The following VPS4B variants were observed in gnomAD, a reference collection of about 807,000 sequenced individuals.
The protein encoded by VPS4B is vacuolar protein sorting 4 homolog B.
In VPS4B, 23 loss-of-function variants were observed where a neutral mutation model predicts 56.1. That is an observed-to-expected ratio of 0.41 (90% CI 0.30 to 0.58). VPS4B has a LOEUF of 0.58. Ranked by LOEUF, VPS4B falls within the 20% of genes least tolerant of loss-of-function variation. The probability of loss-of-function intolerance (pLI) is 0.29; values close to 1 mark genes in which losing one functional copy is unlikely to be tolerated. For missense variants in VPS4B, 372 were observed against 531.9 expected, an observed-to-expected ratio of 0.70 and a Z score of 2.96; for synonymous variants, 177 against 186.0, an observed-to-expected ratio of 0.95 and a Z score of 0.39.
intron 9 of VPS4B, among the ~76,000 whole-genome samples, chr18:63,395,913 C>T (rs1915658570): frequency 6.6e-6 from 1 of 152,174 alleles, no homozygotes; most frequent in Non-Finnish European, 1.5e-5. Context: ...ACATGTCTGT[C>T]CCACTCTAGC....
chr18:63,393,392 C>G lies in VPS4B; in HGVS notation c.1233+17G>C, dbSNP rs1396169567. The G allele has an allele frequency of 6.4e-7, 1 of 1,570,306 alleles. No homozygotes were observed. Among genetic ancestry groups the G allele is most frequent in the South Asian group, 1.2e-5 (1 of 83,678 alleles). ...ATGTTTTAAAATATTTTCTTAAAAACAAACAAAATTTCAAACCATGGAAAC... is the reference window on the plus strand; with the variant it reads ...ATGTTTTAAAATATTTTCTTAAAAAGAAACAAAATTTCAAACCATGGAAAC... On this transcript the variant is annotated intron_variant, in intron 10 of 10. Transcript: ENST00000238497.
At chr18:63,400,842 G>T (rs903550249) in intron 5 of VPS4B, 139 bp from the exon 6 acceptor site, 4 of 869,512 alleles carry the variant, frequency 4.6e-6, no homozygotes, top group East Asian at 3.1e-5. Flanking sequence ...TCAATCTAAG[G>T]TATGTCTTAA....
At chr18:63,410,783 C>G (rs1916023489) in intron 2 of VPS4B, among the ~76,000 whole-genome samples, 1 of 152,166 alleles carries the variant, frequency 6.6e-6, no homozygotes. Context: ...TTGTCTTAGA[C>G]AAACCCAATT....
chr18:63,411,149 T>C (rs1407044862), intron 2 of VPS4B, among the ~76,000 whole-genome samples: 1 of 152,248 alleles, frequency 6.6e-6, no homozygotes, highest in Non-Finnish European at 1.5e-5. Flanking sequence ...CTTTCCATTG[T>C]ATCCCCAGTG....
intron 1 of VPS4B, 81 bp from the exon 2 acceptor site, chr18:63,411,659 T>G: frequency 9.4e-7 from 1 of 1,066,352 alleles, no homozygotes; most frequent in Non-Finnish European, 1.2e-6. Flanking sequence ...CTGAAAGTTT[T>G]TTTTTTTTTT....
At chr18:63,410,171 G>T in intron 3 of VPS4B, 119 bp downstream of exon 3, 1 of 1,317,164 alleles carries the variant, frequency 7.6e-7, no homozygotes. Context: ...TCCAAAAACA[G>T]GCAGCTGGGC....
In VPS4B at chr18:63,393,533, C is replaced by G; in HGVS notation, c.1109G>C (p.Arg370Pro). ...ATCTACAAGATGGTTAGGATCAGCT[C>G]GGGAAGGTCCGCGAACCTGAAATAA... is the stretch of plus-strand genomic sequence containing the variant. ...THFKKVRGPS[R>P]ADPNHLVDDL... Residue 370 changes from arginine (R) to proline (P), a missense_variant, in exon 10 of 11, where the codon CGA (arginine) becomes CCA (proline). Arg to Pro is a moderately radical substitution (Grantham distance 103). Transcript: ENST00000238497. The G allele has an allele frequency of 6.3e-7, 1 of 1,593,864 alleles. No homozygotes were observed. Among genetic ancestry groups the G allele is most frequent in the Non-Finnish European group, 8.5e-7 (1 of 1,172,018 alleles).
At chr18:63,405,540 T>C (rs1475575004) in intron 4 of VPS4B, among the ~76,000 whole-genome samples, 1 of 152,196 alleles carries the variant, frequency 6.6e-6, no homozygotes, top group Non-Finnish European at 1.5e-5. Flanking sequence ...CATCCTGAAA[T>C]TTCAAATACA....
rs150694785 is a variant in VPS4B, at chr18:63,413,398, G to A, written c.28-1820C>T. On this transcript the variant is annotated intron_variant, in intron 1 of 10. Coordinates refer to ENST00000238497, the MANE Select transcript of VPS4B (RefSeq NM_004869.4). Reference sequence around the variant, plus strand: ...TACTAAAACACAAAAAATTGACCAGGCGTAGCGGCATGCGCCTATAGTCCC... The same window carrying A: ...TACTAAAACACAAAAAATTGACCAGACGTAGCGGCATGCGCCTATAGTCCC... Among the ~76,000 whole-genome samples the A allele has an allele frequency of 3.5e-4, 54 of 152,178 alleles. No individual in the cohort carries two copies. In the East Asian group the frequency reaches 0.01, roughly 29 times the overall value.
rs749187337 is a variant in VPS4B at position 63,400,196 on chromosome 18, T to A, written c.642A>T (p.Lys214Asn). The A allele has an allele frequency of 6.3e-7, 1 of 1,585,302 alleles. No homozygotes were observed. Among genetic ancestry groups the A allele is most frequent in the Non-Finnish European group, 8.5e-7 (1 of 1,172,396 alleles). ...CAAGTTGGAATAAATTCTTAACCAG[T>A]CTAAAAATAAATGAAAACTTTTAAG... The part of the protein sequence containing the change: ...LVSKWLGESE[K>N]LVKNLFQLAR... The change falls in exon 7 of 11, where the codon AAA (lysine) becomes AAT (asparagine). Residue 214 changes from lysine to asparagine, a missense_variant and splice_region_variant. Around this residue, in one of 3 missense-constraint regions of VPS4B, gnomAD observed 66 missense variants for 150.7 expected, o/e 0.44. Coordinates refer to ENST00000238497, the MANE Select transcript of VPS4B (RefSeq NM_004869.4).
rs1219174536 is a variant in VPS4B at position 63,390,430 on chromosome 18, A to G, written c.*545T>C. The G allele has an allele frequency of 1.3e-5, 2 of 152,686 alleles. No individual in the cohort carries two copies. The highest frequency in any genetic ancestry group is 2.9e-5 in the Non-Finnish European group (2 of 68,048). 9.5% of individuals were successfully genotyped at this position (152,686 alleles called of 1,614,324 possible). A position where few individuals can be genotyped will look rare whatever the true frequency, so the allele number is the denominator to read the frequency against. ...TCTACACAGAAAAAAATATCAACTTATTAAAAACTATTAAGAGCACTGTCT... is the reference window on the plus strand; with the variant it reads ...TCTACACAGAAAAAAATATCAACTTGTTAAAAACTATTAAGAGCACTGTCT... On this transcript the variant is annotated 3_prime_UTR_variant, in exon 11 of 11. Transcript: ENST00000238497.
intron 1 of VPS4B, chr18:63,416,290 C>A: frequency 4.8e-6 from 1 of 206,692 alleles, no homozygotes; most frequent in East Asian, 1.1e-4. Context: ...GTAGCTCCTC[C>A]TGCAATAGGT....
At chr18:63,419,191 C>A (rs930762055) in intron 1 of VPS4B, among the ~76,000 whole-genome samples, 3 of 152,114 alleles carry the variant, frequency 2.0e-5, no homozygotes, top group African/African-American at 7.2e-5. Context: ...GGGAGGCCAA[C>A]GGGGGTGGAT....
chr18:63,402,935 G>A (rs1232973296), intron 5 of VPS4B, among the ~76,000 whole-genome samples: 2 of 152,166 alleles, frequency 1.3e-5, no homozygotes, highest in Admixed American at 6.5e-5. Flanking sequence ...GTTTGCAAAA[G>A]GAAAAACCTC....
intron 4 of VPS4B, among the ~76,000 whole-genome samples, chr18:63,407,142 T>G (rs1915936801): frequency 6.6e-6 from 1 of 152,222 alleles, no homozygotes; most frequent in Admixed American, 6.5e-5. Context: ...AAGTGTTACC[T>G]TCTCTAAAAG....
chr18:63,417,212 C>T (rs1404894248), intron 1 of VPS4B, among the ~76,000 whole-genome samples: 1 of 152,164 alleles, frequency 6.6e-6, no homozygotes, highest in Non-Finnish European at 1.5e-5. Context: ...AACAGCCCTC[C>T]TTTAAAAAGT....
chr18:63,422,152 C>A, intron 1 of VPS4B, 81 bp downstream of exon 1: 1 of 1,375,126 alleles, frequency 7.3e-7, no homozygotes, highest in South Asian at 1.6e-5. Context: ...CCGCTTCCTC[C>A]CTTCTCCCCG....
At chr18:63,398,204 C>CACACATATATATATAT (rs1298374245) in intron 8 of VPS4B, among the ~76,000 whole-genome samples, 1 of 112,446 alleles carries the variant, frequency 8.9e-6, no homozygotes, top group African/African-American at 3.3e-5. Flanking sequence ...CACACACACA[C>CACACATATATATATAT]ATATATATAT....
intron 4 of VPS4B, among the ~76,000 whole-genome samples, chr18:63,406,177 A>G (rs897525809): frequency 2.8e-4 from 43 of 152,222 alleles, no homozygotes; most frequent in African/African-American, 9.4e-4. Context: ...ATAAATGCCA[A>G]CTGAGTGCGC....
Sources: allele counts gnomAD v4.1 joint callset (sites outside exome capture counted in the v4.1 genomes callset), GRCh38; gene constraint gnomAD v4.1.1; regional missense constraint gnomAD v4.1.1; transcripts MANE v1.5; gene names NCBI Gene and HGNC (gene_info 2026-07-23, HGNC 2026-07-21).